SLC16A9: variants seen among roughly 807,000 people sequenced by gnomAD.
SLC16A9 encodes the protein solute carrier family 16 member 9.
Under a neutral mutation model 44.3 loss-of-function variants are expected in SLC16A9, and 26 were observed. That is an observed-to-expected ratio of 0.59 (90% CI 0.43 to 0.81). The LOEUF (loss-of-function observed/expected upper bound fraction) is 0.81. Among genes scored for constraint, SLC16A9 ranks in the 40% least tolerant of loss-of-function variants. The pLI, the probability that SLC16A9 is intolerant of heterozygous loss-of-function variation, is 0.00. For synonymous variants in SLC16A9, 230 were observed against 225.1 expected, an observed-to-expected ratio of 1.02 and a Z score of -0.19; for missense variants, 559 against 595.8, an observed-to-expected ratio of 0.94 and a Z score of 0.64.
chr10:59,684,178 T>C lies in SLC16A9; in HGVS notation c.114A>G (p.Ile38Met). The change falls in exon 2 of 6, where the codon ATA (isoleucine) becomes ATG (methionine). Residue 38 changes from isoleucine to methionine, a missense_variant. By Grantham distance (10) the Ile-to-Met change is conservative. Transcript: ENST00000395348. ...CTTCACCAAAGGCATCCAGCCATTC[T>C]ATGTACAGGACTCCAACAGCTAGTG... ...GSPLAVGVLY[I>M]EWLDAFGEGK... The C allele has an allele frequency of 3.1e-6, 5 of 1,614,060 alleles. No individual in the cohort carries two copies. Among genetic ancestry groups the C allele is most frequent in the Non-Finnish European group, 4.2e-6 (5 of 1,179,946 alleles).
rs899336578 is a variant in SLC16A9, at chr10:59,709,599, C to G, written c.-157G>C. On this transcript the variant is annotated 5_prime_UTR_variant, in exon 1 of 6. Transcript: ENST00000395348. ...CTCTCCCCTGCAGCTCCGGGCCAGC[C>G]GGGCGGCTATTTATCCGAGCCAGCT... 2.0e-5 allele frequency: 3 copies of G among 152,472 alleles called. No individual in the cohort carries two copies. Among genetic ancestry groups the G allele is most frequent in the African/African-American group, 4.8e-5 (2 of 41,452 alleles). The allele number at this position is 152,472 out of a possible 1,614,324, so 9.4% of individuals were successfully genotyped here.
chr10:59,653,864 C>A lies in SLC16A9; in HGVS notation c.1162G>T (p.Ala388Ser), dbSNP rs1052538633. 1.9e-6 allele frequency: 3 copies of A among 1,614,164 alleles called. No homozygotes were observed. Among genetic ancestry groups the A allele is most frequent in the Non-Finnish European group, 2.5e-6 (3 of 1,180,028 alleles). The change falls in exon 5 of 6, where the codon GCA becomes TCA. Residue 388 changes from alanine to serine, a missense_variant. Transcript: ENST00000395348. ...TLIIMGLALC[A>S]IPFAKSYVTL... ...ACATAGCTTTTGGCAAATGGAATTG[C>A]ACACAAGGCTAGGCCCATGATGATT... is the stretch of plus-strand genomic sequence containing the variant.
chr10:59,695,084 T>G (rs1425384260), intron 1 of SLC16A9, among the ~76,000 whole-genome samples: 1 of 151,920 alleles, frequency 6.6e-6, no homozygotes, highest in Non-Finnish European at 1.5e-5. Context: ...ATTCCACTTA[T>G]GTGAAATGTC....
chr10:59,653,614 T>C (rs1839268051), intron 5 of SLC16A9, 61 bp downstream of exon 5: 6 of 1,407,750 alleles, frequency 4.3e-6, no homozygotes, highest in Middle Eastern at 1.8e-4. Context: ...TGGACCTCTA[T>C]ATCTGGAGAT....
At chr10:59,704,216 C>A (rs940282141) in intron 1 of SLC16A9, among the ~76,000 whole-genome samples, 2 of 152,122 alleles carry the variant, frequency 1.3e-5, no homozygotes, top group Non-Finnish European at 2.9e-5. Context: ...ATCTCCCTGA[C>A]GCAGGACTAA....
At chr10:59,653,592 A>T in intron 5 of SLC16A9, 83 bp downstream of exon 5, 1 of 1,145,310 alleles carries the variant, frequency 8.7e-7, no homozygotes, top group Non-Finnish European at 1.2e-6. Flanking sequence ...AATCTGTGCT[A>T]CTATTACAAT....
chr10:59,662,388 A>G (rs1839496141), intron 4 of SLC16A9, among the ~76,000 whole-genome samples: 5 of 151,824 alleles, frequency 3.3e-5, no homozygotes, highest in Admixed American at 1.3e-4. Flanking sequence ...TTTAATCCCA[A>G]CATTTTAGGA....
chr10:59,682,544 C>T (rs1483772740), intron 2 of SLC16A9, among the ~76,000 whole-genome samples: 1 of 152,202 alleles, frequency 6.6e-6, no homozygotes, highest in African/African-American at 2.4e-5. Context: ...CCTGGACAGA[C>T]TTGTGAAAAG....
rs75364914 is a variant in SLC16A9 at position 59,658,548 on chromosome 10, T to C, written c.437-3959A>G. 4.5e-3 allele frequency among the ~76,000 whole-genome samples: 680 copies of C among 151,906 alleles called. 3 individuals carry two copies. The highest frequency in any genetic ancestry group is 8.0e-3 in the Non-Finnish European group (545 of 67,936). Reference sequence around the variant, plus strand: ...CAGTGTGGATCCAGGCTTGTGCTTCTAACTCGATGTCATACTGCCTCTACA... The same window carrying C: ...CAGTGTGGATCCAGGCTTGTGCTTCCAACTCGATGTCATACTGCCTCTACA... On this transcript the variant is annotated intron_variant, in intron 4 of 5. Coordinates refer to ENST00000395348, the MANE Select transcript of SLC16A9 (RefSeq NM_194298.3).
chr10:59,689,667 C>T lies in SLC16A9; in HGVS notation c.-36-5340G>A, dbSNP rs112087148. On this transcript the variant is annotated intron_variant, in intron 1 of 5. Transcript: ENST00000395348. ...CCAACCTTCCACGTTTGTGAGCTAA[C>T]CCAGTAAATTATTTTGTTAAGTTAT... Among the ~76,000 whole-genome samples, 1,180 of 152,258 alleles carry T rather than the reference C, an allele frequency of 7.7e-3. 16 individuals are homozygous for T. Among genetic ancestry groups the T allele is most frequent in the African/African-American group, 0.027 (1,139 of 41,542 alleles).
chr10:59,680,219 C>A (rs1839957735), intron 2 of SLC16A9, among the ~76,000 whole-genome samples: 1 of 152,130 alleles, frequency 6.6e-6, no homozygotes, highest in African/African-American at 2.4e-5. Flanking sequence ...GAAGTATTTT[C>A]TTCTCAATTA....
At position 59,681,712 on chromosome 10, in the gene SLC16A9, ATG is replaced by A. The variant is rs1564705887; in HGVS notation, c.196+2382_196+2383del. 2.7e-3 allele frequency among the ~76,000 whole-genome samples: 45 copies of A among 16,964 alleles called. 4 individuals are homozygous for A. In the East Asian group the frequency reaches 0.047, roughly 18 times the overall value. The allele number at this position is 16,964 out of a possible 152,430, so 11.1% of individuals were successfully genotyped here. ...TATGTATATATATATGTATATGTAT[ATG>A]TATATGATGTATATGTATATGTATA... On this transcript the variant is annotated intron_variant, in intron 2 of 5. Transcript: ENST00000395348.
At chr10:59,703,191 T>C (rs1208148871) in intron 1 of SLC16A9, among the ~76,000 whole-genome samples, 1 of 152,158 alleles carries the variant, frequency 6.6e-6, no homozygotes, top group Non-Finnish European at 1.5e-5. Flanking sequence ...CAATCACAGC[T>C]CATCACTGCA....
At chr10:59,700,233 C>A (rs1840492535) in intron 1 of SLC16A9, among the ~76,000 whole-genome samples, 1 of 152,170 alleles carries the variant, frequency 6.6e-6, no homozygotes, top group Non-Finnish European at 1.5e-5. Flanking sequence ...AATCAGGAAA[C>A]CACATAGCTG....
At chr10:59,700,170 C>A (rs1007731939) in intron 1 of SLC16A9, among the ~76,000 whole-genome samples, 1 of 152,146 alleles carries the variant, frequency 6.6e-6, no homozygotes, top group Non-Finnish European at 1.5e-5. Flanking sequence ...GCACTGAAGT[C>A]CAAACAAGGT....
At chr10:59,692,550 C>T (rs1165852786) in intron 1 of SLC16A9, among the ~76,000 whole-genome samples, 2 of 152,210 alleles carry the variant, frequency 1.3e-5, no homozygotes, top group Non-Finnish European at 2.9e-5. Flanking sequence ...TCAGTTTTAT[C>T]ATGTATGAGT....
chr10:59,705,643 T>C (rs1443366851), intron 1 of SLC16A9, among the ~76,000 whole-genome samples: 5 of 152,208 alleles, frequency 3.3e-5, no homozygotes, highest in Admixed American at 2.6e-4. Context: ...ATTAATATCA[T>C]AGGAATGCAG....
intron 1 of SLC16A9, among the ~76,000 whole-genome samples, chr10:59,707,474 G>C (rs367611315): frequency 6.6e-6 from 1 of 151,304 alleles, no homozygotes; most frequent in East Asian, 2.0e-4. Flanking sequence ...ATTTCAGTTA[G>C]ATAGGAGCAA....
chr10:59,706,650 C>CACACACACACAT (rs1426503455), intron 1 of SLC16A9, among the ~76,000 whole-genome samples: 2,972 of 152,078 alleles, frequency 0.02, 107 homozygotes, highest in African/African-American at 0.068. Context: ...CACACACACA[C>CACACACACACAT]ACAATAGGAG....
Sources: allele counts gnomAD v4.1 joint callset (sites outside exome capture counted in the v4.1 genomes callset), GRCh38; gene constraint gnomAD v4.1.1; transcripts MANE v1.5; gene names NCBI Gene and HGNC (gene_info 2026-07-23, HGNC 2026-07-21).